MYLK: variants seen among roughly 807,000 people sequenced by gnomAD.
MYLK encodes myosin light chain kinase.
A neutral mutation model predicts 203.4 loss-of-function variants in MYLK; 106 were observed. The observed-to-expected ratio is 0.52, with a 90% confidence interval of 0.45 to 0.61. The LOEUF (loss-of-function observed/expected upper bound fraction) is 0.61, where lower values mean the gene tolerates loss of function less well. Ranked by LOEUF, MYLK falls within the 20% of genes least tolerant of loss-of-function variation. The pLI is 0.00. For missense variants in MYLK, 2,072 were observed against 2,442.3 expected (o/e 0.85, Z 3.20); for synonymous variants, 867 against 959.5 (o/e 0.90, Z 1.78).
chr3:123,754,734 A>G lies in MYLK; in HGVS notation c.166-2196T>C, dbSNP rs560263844. 9.2e-4 allele frequency among the ~76,000 whole-genome samples: 140 copies of G among 152,336 alleles called. 3 individuals are homozygous for G. In the South Asian group the frequency reaches 0.017, roughly 18 times the overall value. ...ACTATTAGTTTCTGAGAGTTCTGCA[A>G]TAGTACACCTGGCCTTTGCAAAACA... On this transcript the variant is annotated intron_variant, in intron 4 of 33. Coordinates refer to ENST00000360304, the MANE Select transcript of MYLK (RefSeq NM_053025.4).
chr3:123,775,960 C>A (rs1437176044), intron 4 of MYLK, among the ~76,000 whole-genome samples: 1 of 152,150 alleles, frequency 6.6e-6, no homozygotes, highest in Non-Finnish European at 1.5e-5. Flanking sequence ...ATCTTTCTGA[C>A]GACTAGGATG....
chr3:123,631,931 G>C (rs1254395), intron 29 of MYLK, among the ~76,000 whole-genome samples: 3,764 of 150,424 alleles, frequency 0.025, 66 homozygotes, highest in Middle Eastern at 0.088. Flanking sequence ...GTGCAGTGGT[G>C]CGATCTCTGC....
At chr3:123,713,579 A>AGTGTGTGTG (rs2061783782) in intron 13 of MYLK, among the ~76,000 whole-genome samples, 3 of 136,380 alleles carry the variant, frequency 2.2e-5, no homozygotes, top group African/African-American at 8.4e-5. Flanking sequence ...GAGCAACACA[A>AGTGTGTGTG]TGTGTGTGTG....
intron 13 of MYLK, among the ~76,000 whole-genome samples, chr3:123,719,587 C>T (rs4048450): frequency 0.015 from 2,244 of 152,306 alleles, 63 homozygotes; most frequent in African/African-American, 0.05. Context: ...CACAGTACCG[C>T]GACTGTCAGC....
intron 5 of MYLK, among the ~76,000 whole-genome samples, chr3:123,744,557 T>A (rs1031791823): frequency 6.6e-6 from 1 of 152,216 alleles, no homozygotes; most frequent in South Asian, 2.1e-4. Flanking sequence ...ATTAATGTGG[T>A]GTTAAAACAA....
intron 3 of MYLK, among the ~76,000 whole-genome samples, chr3:123,827,545 A>C (rs2066160843): frequency 6.6e-6 from 1 of 151,456 alleles, no homozygotes; most frequent in Admixed American, 6.6e-5. Context: ...CAAGAATACT[A>C]TACCCAGCAA....
intron 5 of MYLK, among the ~76,000 whole-genome samples, chr3:123,751,020 C>T (rs1232376892): frequency 6.6e-6 from 1 of 152,224 alleles, no homozygotes; most frequent in African/African-American, 2.4e-5. Context: ...GGCCCAGGTG[C>T]ACCTCGCCCC....
chr3:123,884,307 T>C lies in MYLK; in HGVS notation c.-287A>G, dbSNP rs1024966043. 2 of 133,490 alleles carry C rather than the reference T, an allele frequency of 1.5e-5. No homozygotes were observed. Among genetic ancestry groups the C allele is most frequent in the South Asian group, 4.9e-4 (2 of 4,080 alleles). 8.3% of individuals were successfully genotyped at this position (133,490 alleles called of 1,614,324 possible). ...GCTCCGAGCTCGCTCAGCGCCCTGC[T>C]GCCGACCGGGCGGCGCGGGGAGCCC... On this transcript the variant is annotated 5_prime_UTR_variant, in exon 1 of 34. Transcript: ENST00000360304.
chr3:123,664,076 G>A (rs771766639), intron 23 of MYLK, 29 bp downstream of exon 23: 1 of 1,613,508 alleles, frequency 6.2e-7, no homozygotes, highest in South Asian at 1.1e-5. Context: ...CTTGCCCCAA[G>A]CTCCATGCCA....
At chr3:123,614,843 A>G (rs559565466) in intron 33 of MYLK, among the ~76,000 whole-genome samples, 7 of 151,068 alleles carry the variant, frequency 4.6e-5, no homozygotes, top group African/African-American at 9.8e-5. Context: ...GTCTCATTCT[A>G]TCACCTAGGC....
intron 3 of MYLK, among the ~76,000 whole-genome samples, chr3:123,795,572 G>C (rs1422532544): frequency 1.3e-5 from 2 of 152,162 alleles, no homozygotes; most frequent in African/African-American, 2.4e-5. Flanking sequence ...AACCAGGCTG[G>C]GAAAACGTTG....
intron 30 of MYLK, among the ~76,000 whole-genome samples, chr3:123,627,772 GTGA>G (rs1367939541): frequency 6.6e-6 from 1 of 152,098 alleles, no homozygotes; most frequent in African/African-American, 2.4e-5. Flanking sequence ...CTGATAGGTG[GTGA>G]TTTCTGGTTG....
At chr3:123,637,860 A>G (rs1212528748) in intron 29 of MYLK, among the ~76,000 whole-genome samples, 1 of 152,156 alleles carries the variant, frequency 6.6e-6, no homozygotes, top group Non-Finnish European at 1.5e-5. Flanking sequence ...ACATGATGCT[A>G]TAGAATATGC....
At chr3:123,695,552 G>A (rs909814576) in intron 18 of MYLK, among the ~76,000 whole-genome samples, 5 of 152,126 alleles carry the variant, frequency 3.3e-5, no homozygotes, top group African/African-American at 1.2e-4. Flanking sequence ...ATAATATATA[G>A]TTTCTGAAAA....
chr3:123,863,052 A>C (rs1212384123), intron 2 of MYLK, among the ~76,000 whole-genome samples: 1 of 152,216 alleles, frequency 6.6e-6, no homozygotes, highest in Non-Finnish European at 1.5e-5. Flanking sequence ...CAAATCCTGG[A>C]TCTGTCTCTG....
intron 4 of MYLK, among the ~76,000 whole-genome samples, chr3:123,753,464 C>T (rs2063266877): frequency 7.3e-6 from 1 of 136,606 alleles, no homozygotes; most frequent in Non-Finnish European, 1.5e-5. Context: ...GTACTTGGCT[C>T]ATCTGAGTTT....
chr3:123,866,051 A>G (rs2032305755), intron 2 of MYLK, among the ~76,000 whole-genome samples: 1 of 152,194 alleles, frequency 6.6e-6, no homozygotes, highest in Non-Finnish European at 1.5e-5. Context: ...TGGTAAGTGA[A>G]GAAGCCTCCA....
chr3:123,644,435 T>C (rs2058943317), intron 27 of MYLK: 2 of 152,168 alleles, frequency 1.3e-5, no homozygotes, highest in South Asian at 4.1e-4. Context: ...AGGGGAGGCA[T>C]GGGGTGGAGG....
intron 2 of MYLK, among the ~76,000 whole-genome samples, chr3:123,874,090 T>G (rs1223500885): frequency 6.6e-6 from 1 of 152,152 alleles, no homozygotes; most frequent in Non-Finnish European, 1.5e-5. Context: ...GACTTATAGA[T>G]TCAATGCAAT....
Sources: allele counts gnomAD v4.1 joint callset (sites outside exome capture counted in the v4.1 genomes callset), GRCh38; gene constraint gnomAD v4.1.1; transcripts MANE v1.5; gene names NCBI Gene and HGNC (gene_info 2026-07-23, HGNC 2026-07-21).